PPP6R3: variants seen among roughly 807,000 people sequenced by gnomAD.
PPP6R3 encodes protein phosphatase 6 regulatory subunit 3.
In PPP6R3, 38 loss-of-function variants were observed where a neutral mutation model predicts 110.7. The ratio of observed to expected loss-of-function variants is 0.34; its 90% CI spans 0.26 to 0.45. The LOEUF (loss-of-function observed/expected upper bound fraction) is 0.45. PPP6R3 is among the 20% of genes least tolerant of loss of function. The probability of loss-of-function intolerance (pLI) is 1.00; values close to 1 mark genes in which losing one functional copy is unlikely to be tolerated. For missense variants in PPP6R3, 870 were observed against 1,062.4 expected, an observed-to-expected ratio of 0.82 and a Z score of 2.52; for synonymous variants, 369 against 373.5, an observed-to-expected ratio of 0.99 and a Z score of 0.14.
intron 1 of PPP6R3, among the ~76,000 whole-genome samples, chr11:68,470,209 G>A (rs953411753): frequency 9.2e-5 from 14 of 152,184 alleles, no homozygotes; most frequent in African/African-American, 2.9e-4. Context: ...AATACAAACA[G>A]GGAGAAAAGT....
chr11:68,533,898 A>G (rs1565658987), intron 2 of PPP6R3, among the ~76,000 whole-genome samples: 1 of 152,096 alleles, frequency 6.6e-6, no homozygotes, highest in African/African-American at 2.4e-5. Flanking sequence ...TGCTACAGGA[A>G]TGTTGCTTCT....
At chr11:68,581,870 G>A (rs2099555979) in intron 14 of PPP6R3, among the ~76,000 whole-genome samples, 1 of 152,228 alleles carries the variant, frequency 6.6e-6, no homozygotes, top group South Asian at 2.1e-4. Flanking sequence ...AGGATGGAGA[G>A]TGAAATAACT....
chr11:68,613,808 ATGTTC>A lies in PPP6R3; in HGVS notation c.*697_*701del. On this transcript the variant is annotated 3_prime_UTR_variant, in exon 24 of 24. Coordinates refer to ENST00000393800, the MANE Select transcript of PPP6R3 (RefSeq NM_001164161.2). Reference sequence around the variant, plus strand: ...TAAATTGATGTTATCGTAAAGCCATATGTTCTGTTCAAGTCTTGTTTGCTTGAAAT... The same window carrying A: ...TAAATTGATGTTATCGTAAAGCCATATGTTCAAGTCTTGTTTGCTTGAAAT... 2.0e-6 allele frequency: 2 copies of A among 984,998 alleles called. No individual in the cohort carries two copies. Among genetic ancestry groups the A allele is most frequent in the Non-Finnish European group, 2.4e-6 (2 of 829,552 alleles). 61.0% of individuals were successfully genotyped at this position (984,998 alleles called of 1,614,324 possible).
chr11:68,476,339 T>A (rs947019811), intron 1 of PPP6R3, among the ~76,000 whole-genome samples: 1 of 151,958 alleles, frequency 6.6e-6, no homozygotes, highest in Non-Finnish European at 1.5e-5. Flanking sequence ...GGCGCACGCC[T>A]GCAATCGCAG....
intron 16 of PPP6R3, 23 bp downstream of exon 16, chr11:68,588,047 G>A (rs768467088): frequency 6.9e-6 from 11 of 1,587,502 alleles, no homozygotes; most frequent in African/African-American, 1.3e-5. Context: ...TTCTGTTTCC[G>A]CTGTTGCTCT....
chr11:68,531,711 G>A (rs1399979307), intron 2 of PPP6R3, among the ~76,000 whole-genome samples: 1 of 152,130 alleles, frequency 6.6e-6, no homozygotes, highest in Non-Finnish European at 1.5e-5. Context: ...GCTTCTGTTT[G>A]CCTGAGTGTG....
Position 68,537,796 on chromosome 11 carries a change from T to C in PPP6R3, c.132T>C (p.Leu44=). 1.2e-6 allele frequency: 2 copies of C among 1,614,010 alleles called. No homozygotes were observed. The highest frequency in any genetic ancestry group is 8.5e-7 in the Non-Finnish European group (1 of 1,179,886). The change falls in exon 3 of 24, where the codon CTT becomes CTC. Residue 44 remains leucine, a synonymous_variant. Coordinates refer to ENST00000393800, the MANE Select transcript of PPP6R3 (RefSeq NM_001164161.2). ...LQECKAQNRK[L]IEFLLKAECL... is the part of the protein sequence containing the mutation. ...AATGTAAAGCTCAGAACCGCAAACT[T>C]ATAGAGTTTCTGTTAAAAGCAGAAT... is the stretch of plus-strand genomic sequence containing the variant.
chr11:68,587,910 G>C lies in PPP6R3; in HGVS notation c.1633-17G>C, dbSNP rs760709302. On this transcript the variant is annotated splice_polypyrimidine_tract_variant and intron_variant, in intron 15 of 23. Transcript: ENST00000393800. Reference sequence around the variant, plus strand: ...TTAGAATCATTATATCACTGTCACTGGTCCTGGGGTTGCCAGGCCTTTTCT... The same window carrying C: ...TTAGAATCATTATATCACTGTCACTCGTCCTGGGGTTGCCAGGCCTTTTCT... 1.0e-5 allele frequency: 16 copies of C among 1,593,872 alleles called. No individual in the cohort carries two copies. The highest frequency in any genetic ancestry group is 1.3e-5 in the Non-Finnish European group (15 of 1,161,732).
chr11:68,580,746 C>CTTTTTTTTTTTTTTTTTTTTT (rs71043441), intron 14 of PPP6R3, among the ~76,000 whole-genome samples: 1 of 67,530 alleles, frequency 1.5e-5, no homozygotes, highest in African/African-American at 5.1e-5. Flanking sequence ...GGTAAATAAT[C>CTTTTTTTTTTTTTTTTTTTTT]TTTTTTTTTT....
chr11:68,485,377 T>A (rs1165255875), intron 1 of PPP6R3, among the ~76,000 whole-genome samples: 1 of 152,072 alleles, frequency 6.6e-6, no homozygotes, highest in Non-Finnish European at 1.5e-5. Context: ...ACTTTTTATT[T>A]CCTTTTCTTA....
intron 1 of PPP6R3, among the ~76,000 whole-genome samples, chr11:68,496,011 G>A (rs1201976166): frequency 6.6e-6 from 1 of 152,050 alleles, no homozygotes; most frequent in Non-Finnish European, 1.5e-5. Context: ...TTGAGACAGC[G>A]TCTCACTCTG....
At chr11:68,547,946 T>A in intron 4 of PPP6R3, 121 bp from the exon 5 acceptor site, 1 of 1,003,506 alleles carries the variant, frequency 1.0e-6, no homozygotes, top group Non-Finnish European at 1.4e-6. Context: ...TAATTCAGCA[T>A]TTGCCATTTC....
chr11:68,573,114 TTATATATATATATATATATATATATATA>T (rs60848718), intron 12 of PPP6R3, among the ~76,000 whole-genome samples: 7 of 61,798 alleles, frequency 1.1e-4, no homozygotes, highest in South Asian at 1.1e-3. Context: ...TTTACTTATT[TTATATATATATATATATATATATATATA>T]TATATATATA....
intron 3 of PPP6R3, among the ~76,000 whole-genome samples, chr11:68,541,710 G>A (rs993600376): frequency 1.6e-4 from 24 of 152,246 alleles, no homozygotes; most frequent in Non-Finnish European, 2.8e-4. Context: ...TTCTGAAACT[G>A]GAGATGGGTA....
chr11:68,492,764 T>G (rs2098991992), intron 1 of PPP6R3, among the ~76,000 whole-genome samples: 1 of 152,224 alleles, frequency 6.6e-6, no homozygotes, highest in African/African-American at 2.4e-5. Flanking sequence ...CCACATTAGC[T>G]AGCACCTCTT....
intron 1 of PPP6R3, among the ~76,000 whole-genome samples, chr11:68,507,512 A>T (rs2099085157): frequency 6.6e-6 from 1 of 152,114 alleles, no homozygotes; most frequent in Non-Finnish European, 1.5e-5. Context: ...TTTGTGGATG[A>T]TTTTTAAATT....
chr11:68,532,238 AT>A (rs2153625895), intron 2 of PPP6R3, among the ~76,000 whole-genome samples: 1 of 152,306 alleles, frequency 6.6e-6, no homozygotes, highest in Non-Finnish European at 1.5e-5. Flanking sequence ...AAAGCAGTTG[AT>A]CTTCGATGAA....
chr11:68,535,854 A>G (rs1427326826), intron 2 of PPP6R3, among the ~76,000 whole-genome samples: 1 of 151,044 alleles, frequency 6.6e-6, no homozygotes, highest in Non-Finnish European at 1.5e-5. Context: ...GTGTAATCCT[A>G]GCTACTTGGG....
At chr11:68,467,166 T>C (rs796659208) in intron 1 of PPP6R3, among the ~76,000 whole-genome samples, 8 of 152,376 alleles carry the variant, frequency 5.3e-5, no homozygotes, top group African/African-American at 1.9e-4. Context: ...TAGTGAAGAC[T>C]ATACAGTTGA....
Sources: gnomAD v4.1 joint callset for allele counts (sites outside exome capture counted in the v4.1 genomes callset) on GRCh38, gnomAD v4.1.1 for gene constraint, MANE v1.5 for transcripts, NCBI Gene and HGNC (gene_info 2026-07-23, HGNC 2026-07-21) for gene names.